The following FRY variants were observed in gnomAD, a reference collection of about 807,000 sequenced individuals.
FRY encodes the protein FRY microtubule binding protein.
Under a neutral mutation model 348.4 loss-of-function variants are expected in FRY, and 128 were observed. The observed-to-expected ratio is 0.37, with a 90% confidence interval of 0.32 to 0.43. The LOEUF (loss-of-function observed/expected upper bound fraction) is 0.43. Among genes scored for constraint, FRY ranks in the 20% least tolerant of loss-of-function variants. FRY has a pLI of 1.00. For synonymous variants in FRY, 1,370 were observed against 1,374.7 expected (o/e 1.00, Z 0.08); for missense variants, 2,736 against 3,695.2 (o/e 0.74, Z 6.73).
chr13:32,078,969 G>A lies in FRY; in HGVS notation c.206G>A (p.Ser69Asn). 2 of 1,613,968 alleles carry A rather than the reference G, an allele frequency of 1.2e-6. No individual in the cohort carries two copies. Among genetic ancestry groups the A allele is most frequent in the South Asian group, 2.2e-5 (2 of 91,082 alleles). ...AAACCAGGAGAATATGTCCTCAAAA[G>A]TTTATTTGTCAACTTCACCACTCAG... ...DSKPGEYVLK[S>N]LFVNFTTQAE... The change falls in exon 2 of 61, where the codon AGT becomes AAT. Residue 69 changes from serine (S) to asparagine (N), a missense_variant. Coordinates refer to ENST00000542859, the MANE Select transcript of FRY (RefSeq NM_023037.3).
At chr13:32,041,396 C>A (rs549638917) in intron 1 of FRY, among the ~76,000 whole-genome samples, 2 of 142,620 alleles carry the variant, frequency 1.4e-5, no homozygotes, top group Admixed American at 7.6e-5. Context: ...TGGGTTCAAG[C>A]AATTCTTCTG....
intron 1 of FRY, chr13:32,038,327 C>G (rs976838480): frequency 6.6e-6 from 1 of 152,188 alleles, no homozygotes; most frequent in African/African-American, 2.4e-5. Context: ...AGAGGTAAGT[C>G]TGTCCAAAAA....
intron 17 of FRY, among the ~76,000 whole-genome samples, chr13:32,167,733 G>A (rs1011798609): frequency 1.3e-5 from 2 of 152,180 alleles, no homozygotes; most frequent in African/African-American, 4.8e-5. Context: ...TAAAAACGGT[G>A]GCTTGTTATC....
chr13:32,273,250 G>GTC (rs1888298489), intron 55 of FRY, among the ~76,000 whole-genome samples: 1 of 144,236 alleles, frequency 6.9e-6, no homozygotes, highest in Admixed American at 7.0e-5. Context: ...TTGAGACGGA[G>GTC]TCTCGCTGTC....
chr13:32,134,877 TC>T (rs761381866), intron 8 of FRY, 26 bp from the exon 9 acceptor site: 66 of 1,381,580 alleles, frequency 4.8e-5, no homozygotes, highest in Non-Finnish European at 6.4e-5. Context: ...CTACTCTCCC[TC>T]CCTATACTCT....
At chr13:32,202,557 G>A (rs73169124) in intron 31 of FRY, 30 bp downstream of exon 31, 81,947 of 1,521,510 alleles carry the variant, frequency 0.054, 4,014 homozygotes, top group East Asian at 0.27. Flanking sequence ...AATGACATAT[G>A]TGATCATTTC....
At chr13:32,044,812 A>G (rs1872935619) in intron 1 of FRY, among the ~76,000 whole-genome samples, 1 of 152,178 alleles carries the variant, frequency 6.6e-6, no homozygotes, top group Non-Finnish European at 1.5e-5. Flanking sequence ...CAGCCTTTGG[A>G]CATAGTTTGT....
chr13:32,283,058 T>C (rs1888888684), intron 58 of FRY, among the ~76,000 whole-genome samples: 2 of 151,908 alleles, frequency 1.3e-5, no homozygotes, highest in Admixed American at 6.6e-5. Context: ...GGAGAATCTC[T>C]TGAACCTGGG....
intron 50 of FRY, among the ~76,000 whole-genome samples, chr13:32,252,719 T>C (rs2520713): frequency 0.99 from 149,826 of 152,002 alleles, 73,876 homozygotes; most frequent in East Asian, 1. Context: ...AAAATGGATC[T>C]ACTAACACAT....
intron 1 of FRY, among the ~76,000 whole-genome samples, chr13:32,075,039 T>G (rs378693): frequency 0.68 from 103,499 of 152,064 alleles, 35,416 homozygotes; most frequent in Non-Finnish European, 0.69. Context: ...TGGAAAATGG[T>G]GCCTCAGTGT....
intron 28 of FRY, among the ~76,000 whole-genome samples, chr13:32,190,278 T>G (rs1329432826): frequency 3.3e-5 from 5 of 151,980 alleles, no homozygotes; most frequent in African/African-American, 1.2e-4. Flanking sequence ...CCAAGGAAGC[T>G]TACTGTCACC....
intron 3 of FRY, among the ~76,000 whole-genome samples, chr13:32,116,823 T>G (rs1305409128): frequency 6.6e-6 from 1 of 152,142 alleles, no homozygotes; most frequent in African/African-American, 2.4e-5. Flanking sequence ...CATTTATATT[T>G]TGAGTCTAAT....
At chr13:32,130,908 C>G (rs1032027454) in intron 7 of FRY, among the ~76,000 whole-genome samples, 2 of 151,732 alleles carry the variant, frequency 1.3e-5, no homozygotes, top group Non-Finnish European at 2.9e-5. Context: ...CTCTGCCTCC[C>G]GGGTTCAAGT....
chr13:32,105,765 TG>T, intron 3 of FRY, among the ~76,000 whole-genome samples: 1 of 152,304 alleles, frequency 6.6e-6, no homozygotes. Flanking sequence ...AACATACAGT[TG>T]GTTCCTGTTT....
chr13:32,196,290 T>C (rs1883673634), intron 29 of FRY, among the ~76,000 whole-genome samples: 1 of 152,212 alleles, frequency 6.6e-6, no homozygotes, highest in Non-Finnish European at 1.5e-5. Flanking sequence ...CCTTTTCAAA[T>C]AGGAATGATT....
At chr13:32,190,983 G>A (rs1883303324) in intron 28 of FRY, among the ~76,000 whole-genome samples, 1 of 152,156 alleles carries the variant, frequency 6.6e-6, no homozygotes, top group Non-Finnish European at 1.5e-5. Flanking sequence ...GTAGAATAGG[G>A]AGGCCAGAAA....
In FRY at chr13:32,267,202, C is replaced by A; in HGVS notation, c.7979C>A (p.Pro2660His). ...FGEGDRGVSP[P>H]PSPFFSAILA... ...GAAGGTGACAGGGGAGTCTCTCCCCCTCCCTCGCCCTTCTTCTCAGCCATC... is the reference window on the plus strand; with the variant it reads ...GAAGGTGACAGGGGAGTCTCTCCCCATCCCTCGCCCTTCTTCTCAGCCATC... The change falls in exon 55 of 61, where the codon CCT becomes CAT. Residue 2660 changes from proline (P) to histidine (H), a missense_variant. By Grantham distance (77) the Pro-to-His change is moderately conservative. Coordinates refer to ENST00000542859, the MANE Select transcript of FRY (RefSeq NM_023037.3). 1 of 1,614,192 alleles carries A rather than the reference C, an allele frequency of 6.2e-7. No homozygotes were observed. The highest frequency in any genetic ancestry group is 8.5e-7 in the Non-Finnish European group (1 of 1,180,036).
At chr13:32,172,217 T>A (rs1451194711) in intron 18 of FRY, among the ~76,000 whole-genome samples, 3 of 151,914 alleles carry the variant, frequency 2.0e-5, no homozygotes, top group Admixed American at 2.0e-4. Flanking sequence ...TGGATGTAAA[T>A]GTGGATGTGA....
chr13:32,150,811 G>A (rs1417192703), intron 14 of FRY, among the ~76,000 whole-genome samples: 1 of 152,172 alleles, frequency 6.6e-6, no homozygotes, highest in East Asian at 1.9e-4. Context: ...TAGCAGAGGG[G>A]ACCCAGGTCC....
Sources: allele counts gnomAD v4.1 joint callset (sites outside exome capture counted in the v4.1 genomes callset), GRCh38; gene constraint gnomAD v4.1.1; transcripts MANE v1.5; gene names NCBI Gene and HGNC (gene_info 2026-07-23, HGNC 2026-07-21).